KIFC3: variants seen among roughly 807,000 people sequenced by gnomAD.
The protein encoded by KIFC3 is kinesin family member C3, also known as kinesin-like protein KIFC3.
KIFC3 carries 60 observed loss-of-function variants against 101.8 expected under a neutral mutation model. The ratio of observed to expected loss-of-function variants is 0.59; its 90% CI spans 0.48 to 0.73. KIFC3 has a LOEUF of 0.73. Among genes scored for constraint, KIFC3 ranks in the 30% least tolerant of loss-of-function variants. KIFC3 has a pLI of 0.00. For missense variants in KIFC3, 966 were observed against 1,137.1 expected, an observed-to-expected ratio of 0.85 and a Z score of 2.16; for synonymous variants, 476 against 482.7, an observed-to-expected ratio of 0.99 and a Z score of 0.18.
chr16:57,765,755 C>T, intron 10 of KIFC3, 115 bp from the exon 11 acceptor site: 3 of 951,928 alleles, frequency 3.2e-6, no homozygotes, highest in Non-Finnish European at 3.1e-6. Context: ...GACTTTTAAG[C>T]ACAGCCCCCT....
chr16:57,838,922 T>A (rs1487202358), intron 1 of KIFC3, among the ~76,000 whole-genome samples: 1 of 152,126 alleles, frequency 6.6e-6, no homozygotes, highest in Non-Finnish European at 1.5e-5. Flanking sequence ...ATGGATGAAA[T>A]GGCCCCTGGG....
chr16:57,792,066 ATG>A (rs1555620533), intron 3 of KIFC3, among the ~76,000 whole-genome samples: 1 of 152,190 alleles, frequency 6.6e-6, no homozygotes, highest in Non-Finnish European at 1.5e-5. Context: ...CTTGAAGGGT[ATG>A]TGTTTCCCAC....
intron 2 of KIFC3, chr16:57,797,852 G>A: frequency 6.9e-7 from 1 of 1,448,288 alleles, no homozygotes; most frequent in Non-Finnish European, 9.1e-7. Context: ...GTTTAACCCG[G>A]CTTCCAGGTC....
intron 2 of KIFC3, among the ~76,000 whole-genome samples, chr16:57,796,914 A>T (rs1249672320): frequency 6.6e-6 from 1 of 152,226 alleles, no homozygotes; most frequent in Admixed American, 6.5e-5. Flanking sequence ...TTACATTTGT[A>T]ATACTTAGGA....
chr16:57,856,781 A>G (rs552025685), intron 1 of KIFC3, among the ~76,000 whole-genome samples: 2 of 152,210 alleles, frequency 1.3e-5, no homozygotes, highest in Non-Finnish European at 2.9e-5. Flanking sequence ...CATAAGTTTG[A>G]CAATTTAGAT....
At position 57,798,082 on chromosome 16, in the gene KIFC3, C is replaced by A; in HGVS notation, c.162G>T (p.Arg54Ser). The change falls in exon 2 of 20, where the codon AGG becomes AGT. Residue 54 changes from arginine to serine, a missense_variant. Arg to Ser is a moderately radical substitution (Grantham distance 110). Around this residue, in one of 2 missense-constraint regions of KIFC3, gnomAD observed 277 missense variants for 252.5 expected, o/e 1.10. Transcript: ENST00000445690. ...ARPFPHTGPG[R>S]LRTGRGKDTP... ...AAAATGCGGACTCACCAGTTCTCAA[C>A]CTCCCCGGGCCGGTGTGTGGGAAAG... 6.3e-7 allele frequency: 1 copy of A among 1,592,252 alleles called. No individual in the cohort carries two copies. Among genetic ancestry groups the A allele is most frequent in the Non-Finnish European group, 8.5e-7 (1 of 1,169,788 alleles).
chr16:57,819,674 C>T (rs2055310779), intron 1 of KIFC3, among the ~76,000 whole-genome samples: 1 of 152,096 alleles, frequency 6.6e-6, no homozygotes, highest in African/African-American at 2.4e-5. Context: ...GATTCTCCTG[C>T]CTCAGCCTCC....
At chr16:57,788,675 C>T (rs2053578105) in intron 3 of KIFC3, 1 of 1,289,432 alleles carries the variant, frequency 7.8e-7, no homozygotes, top group African/African-American at 1.5e-5. Context: ...CTTTCGTCCC[C>T]TGACTCTGGC....
At chr16:57,782,029 T>A (rs2052795185) in intron 3 of KIFC3, 2 of 985,322 alleles carry the variant, frequency 2.0e-6, no homozygotes, top group Admixed American at 6.1e-5. Flanking sequence ...AGGCAGAGTG[T>A]ACCCCCTGGC....
At chr16:57,804,699 C>T (rs2054892414), upstream of KIFC3, among the ~76,000 whole-genome samples, 2 of 151,884 alleles carry the variant, frequency 1.3e-5, no homozygotes. Flanking sequence ...AAGTGATCCT[C>T]CCACCTGAGC....
intron 9 of KIFC3, among the ~76,000 whole-genome samples, chr16:57,767,741 T>A (rs2050652023): frequency 1.3e-5 from 2 of 152,162 alleles, no homozygotes; most frequent in Admixed American, 1.3e-4. Context: ...GGTGTTATCT[T>A]GGCTCACTGC....
chr16:57,813,351 AAAATAAAT>A (rs149210186), intron 1 of KIFC3, among the ~76,000 whole-genome samples: 11 of 151,188 alleles, frequency 7.3e-5, no homozygotes, highest in Non-Finnish European at 1.3e-4. Flanking sequence ...ATAAAATACA[AAAATAAAT>A]AAATAAATAA....
chr16:57,795,617 G>A lies in KIFC3; in HGVS notation c.173-476C>T, dbSNP rs72795549. Among the ~76,000 whole-genome samples the A allele has an allele frequency of 5.7e-3, 868 of 152,292 alleles. 4 individuals are homozygous for A. The highest frequency in any genetic ancestry group is 7.1e-3 in the Non-Finnish European group (485 of 68,024). ...CCCAGCCTCCGTTGCCTCCCCAAGC[G>A]TATTCAGAACCAGCTAACGTGCATC... On this transcript the variant is annotated intron_variant, in intron 2 of 19. Coordinates refer to ENST00000445690, the MANE Select transcript of KIFC3 (RefSeq NM_001130100.2).
intron 3 of KIFC3, chr16:57,785,626 C>A: frequency 7.9e-7 from 1 of 1,263,240 alleles, no homozygotes; most frequent in Non-Finnish European, 1.0e-6. Flanking sequence ...CTGGTGGCCC[C>A]GACAAGCTCG....
chr16:57,845,915 A>G (rs752063343), intron 1 of KIFC3, among the ~76,000 whole-genome samples: 49 of 152,108 alleles, frequency 3.2e-4, no homozygotes, highest in Non-Finnish European at 5.9e-4. Context: ...GCACTGGTAG[A>G]GTTTAAACTT....
At position 57,771,527 on chromosome 16, in the gene KIFC3, C is replaced by G. The variant is rs782583138; in HGVS notation, c.525+16G>C. On this transcript the variant is annotated intron_variant, in intron 5 of 19. Transcript: ENST00000445690. ...CCCTCCAGGACCAGCATGGGGACCA[C>G]GGCCATTCTGCTCACCTGGCTGTGC... 1 of 1,611,646 alleles carries G rather than the reference C, an allele frequency of 6.2e-7. No homozygotes were observed. The highest frequency in any genetic ancestry group is 8.5e-7 in the Non-Finnish European group (1 of 1,178,682).
Position 57,770,604 on chromosome 16 carries a change from T to G in KIFC3, c.862A>C (p.Met288Leu). 1 of 1,541,216 alleles carries G rather than the reference T, an allele frequency of 6.5e-7. No homozygotes were observed. The highest frequency in any genetic ancestry group is 8.8e-7 in the Non-Finnish European group (1 of 1,142,594). Residue 288 changes from methionine (M) to leucine (L), a missense_variant, in exon 7 of 20, where the codon ATG (methionine) becomes CTG (leucine). Physicochemically the swap from Met to Leu is conservative, Grantham distance 15 (BLOSUM62 2). Around this residue, in one of 2 missense-constraint regions of KIFC3, gnomAD observed 689 missense variants for 884.6 expected, o/e 0.78. Coordinates refer to ENST00000445690, the MANE Select transcript of KIFC3 (RefSeq NM_001130100.2). ...RNQHLQEQVA[M>L]QRQVLKEMEQ... Reference sequence around the variant, plus strand: ...ATCTCCTTCAGCACCTGCCTCTGCATAGCCACCTGCTCCTGCAGGTGCTGG... The same window carrying G: ...ATCTCCTTCAGCACCTGCCTCTGCAGAGCCACCTGCTCCTGCAGGTGCTGG...
At position 57,759,112 on chromosome 16, in the gene KIFC3, G is replaced by A. The variant is rs1403927710; in HGVS notation, c.*24+13C>T. The stretch of plus-strand genomic sequence containing the variant: ...GCAGGCGGGCAGCCCTGGGCCACAG[G>A]CCCCACACTCACCTAGAGACTCTGC... On this transcript the variant is annotated intron_variant, in intron 19 of 19. Coordinates refer to ENST00000445690, the MANE Select transcript of KIFC3 (RefSeq NM_001130100.2). The A allele has an allele frequency of 1.3e-6, 2 of 1,550,436 alleles. No homozygotes were observed. Among genetic ancestry groups the A allele is most frequent in the Non-Finnish European group, 1.7e-6 (2 of 1,146,914 alleles).
intron 3 of KIFC3, among the ~76,000 whole-genome samples, chr16:57,787,331 G>A (rs1437921165): frequency 2.0e-5 from 3 of 152,242 alleles, no homozygotes; most frequent in Non-Finnish European, 2.9e-5. Context: ...GACATGCACA[G>A]GTGTGGGTGG....
Sources: gnomAD v4.1 joint callset for allele counts (sites outside exome capture counted in the v4.1 genomes callset) on GRCh38, gnomAD v4.1.1 for gene constraint, gnomAD v4.1.1 regional missense constraint, MANE v1.5 for transcripts, NCBI Gene and HGNC (gene_info 2026-07-23, HGNC 2026-07-21) for gene names.